Variants in CEP128 observed in about 807,000 individuals in gnomAD.
CEP128 encodes centrosomal protein 128.
A neutral mutation model predicts 156.7 loss-of-function variants in CEP128; 132 were observed. That is an observed-to-expected ratio of 0.84 (90% CI 0.73 to 0.97). CEP128 has a LOEUF of 0.97. CEP128 is among the 50% of genes least tolerant of loss of function. The pLI is 0.00. For synonymous variants in CEP128, 469 were observed against 448.9 expected, an observed-to-expected ratio of 1.04 and a Z score of -0.57; for missense variants, 1,252 against 1,281.9, an observed-to-expected ratio of 0.98 and a Z score of 0.36.
chr14:80,747,693 G>A (rs540048215), intron 18 of CEP128, among the ~76,000 whole-genome samples: 3 of 152,298 alleles, frequency 2.0e-5, no homozygotes, highest in African/African-American at 7.2e-5. Flanking sequence ...TATAATTCCA[G>A]CTACTCAGGA....
intron 19 of CEP128, among the ~76,000 whole-genome samples, chr14:80,734,361 G>A (rs544275915): frequency 1.3e-4 from 20 of 151,938 alleles, no homozygotes; most frequent in East Asian, 3.9e-4. Flanking sequence ...CCACAAAAGC[G>A]AAAGTCTTTA....
intron 19 of CEP128, among the ~76,000 whole-genome samples, chr14:80,682,120 T>TA (rs1896348456): frequency 6.7e-6 from 1 of 150,186 alleles, no homozygotes; most frequent in Non-Finnish European, 1.5e-5. Flanking sequence ...CACAAAAAAA[T>TA]AAAAAAGGAA....
intron 19 of CEP128, among the ~76,000 whole-genome samples, chr14:80,679,159 T>C (rs1258001507): frequency 6.6e-6 from 1 of 152,162 alleles, no homozygotes; most frequent in East Asian, 1.9e-4. Flanking sequence ...ACTGTACAAA[T>C]TGATTGTAGA....
chr14:80,858,390 T>C (rs1336539040), intron 9 of CEP128, among the ~76,000 whole-genome samples: 2 of 125,462 alleles, frequency 1.6e-5, no homozygotes, highest in African/African-American at 6.2e-5. Flanking sequence ...TATACAAAAA[T>C]CAATTCAAGA....
At chr14:80,482,793 G>A (rs761139250) in intron 14 of CEP128, among the ~76,000 whole-genome samples, 1 of 152,092 alleles carries the variant, frequency 6.6e-6, no homozygotes. Flanking sequence ...AAATAGTAAA[G>A]GTAAAGAAAC....
intron 19 of CEP128, among the ~76,000 whole-genome samples, chr14:80,672,889 T>C (rs58788563): frequency 0.019 from 2,914 of 152,292 alleles, 87 homozygotes; most frequent in African/African-American, 0.061. Context: ...ATTTGTGAAA[T>C]TGAATTAAGT....
chr14:80,723,585 G>A (rs553167622), intron 19 of CEP128, among the ~76,000 whole-genome samples: 1 of 152,294 alleles, frequency 6.6e-6, no homozygotes, highest in East Asian at 1.9e-4. Context: ...CATAATGGTA[G>A]AACAGTGTCC....
intron 8 of CEP128, among the ~76,000 whole-genome samples, chr14:80,879,663 C>G (rs900601202): frequency 2.8e-4 from 42 of 151,224 alleles, no homozygotes; most frequent in African/African-American, 9.5e-4. Context: ...GAAAAAAGAA[C>G]GAAAAAGAGT....
intron 9 of CEP128, among the ~76,000 whole-genome samples, chr14:80,855,701 G>A (rs146950906): frequency 6.6e-6 from 1 of 152,204 alleles, no homozygotes; most frequent in Non-Finnish European, 1.5e-5. Context: ...AGGCCTCCAC[G>A]ACTCCAAACA....
chr14:80,664,989 T>A (rs182369550), intron 19 of CEP128, among the ~76,000 whole-genome samples: 12 of 152,348 alleles, frequency 7.9e-5, no homozygotes, highest in Admixed American at 2.0e-4. Flanking sequence ...ATCCTACTGA[T>A]CTTTACAAAT....
intron 13 of CEP128, among the ~76,000 whole-genome samples, chr14:80,796,403 T>A (rs1883479704): frequency 6.6e-6 from 1 of 151,512 alleles, no homozygotes; most frequent in African/African-American, 2.4e-5. Context: ...GAGTTTGCAG[T>A]GAACTGAGCT....
intron 19 of CEP128, among the ~76,000 whole-genome samples, chr14:80,676,737 G>GA (rs1896079451): frequency 2.0e-5 from 3 of 151,942 alleles, no homozygotes; most frequent in Non-Finnish European, 4.4e-5. Flanking sequence ...TTTGTAACAC[G>GA]AATTTGTGTT....
intron 13 of CEP128, among the ~76,000 whole-genome samples, chr14:80,828,123 C>CTTTTT (rs1008856396): frequency 2.4e-5 from 3 of 126,966 alleles, no homozygotes; most frequent in African/African-American, 9.4e-5. Context: ...CTTCTTTTTT[C>CTTTTT]TTTTTTTTTT....
rs1286919870 is a variant in CEP128, at chr14:80,625,861, TTCTC to T, written c.2807-45442_2807-45439del. Among the ~76,000 whole-genome samples the T allele has an allele frequency of 2.7e-5, 4 of 149,128 alleles. No individual in the cohort carries two copies. In the East Asian group the frequency reaches 6.0e-4, roughly 22 times the overall value. On this transcript the variant is annotated intron_variant, in intron 19 of 24. Coordinates refer to ENST00000555265, the MANE Select transcript of CEP128 (RefSeq NM_152446.5). ...TCTTTTTTCTCTTTCTTTCCTTTCT[TTCTC>T]TCTTTCTTCTTTCTTTTTGTTACTC...
chr14:80,891,935 G>A (rs962643575), intron 8 of CEP128, among the ~76,000 whole-genome samples: 21 of 151,530 alleles, frequency 1.4e-4, no homozygotes, highest in Admixed American at 1.4e-3. Flanking sequence ...AAAAATAAAT[G>A]AAAAGATATT....
chr14:80,759,835 A>T lies in CEP128; in HGVS notation c.2553+1602T>A, dbSNP rs1462741606. ...TATTTAAGCAATCTGCTATCTGCAC[A>T]TCATGTATTTGCCTGCAATTGCCCA... is the stretch of plus-strand genomic sequence containing the variant. On this transcript the variant is annotated intron_variant, in intron 17 of 24. Transcript: ENST00000555265. 2.0e-5 allele frequency among the ~76,000 whole-genome samples: 3 copies of T among 152,052 alleles called. No individual in the cohort carries two copies. The East Asian group carries it at 5.8e-4, about 29-fold the overall frequency.
intron 23 of CEP128, among the ~76,000 whole-genome samples, chr14:80,517,383 C>T (rs920632127): frequency 6.6e-6 from 1 of 151,992 alleles, no homozygotes; most frequent in African/African-American, 2.4e-5. Context: ...CCTCTGAGCA[C>T]TTTTTAGATG....
chr14:80,746,571 C>T (rs760841961), intron 18 of CEP128, among the ~76,000 whole-genome samples: 12 of 152,108 alleles, frequency 7.9e-5, no homozygotes, highest in Non-Finnish European at 1.6e-4. Context: ...TACTTCACAC[C>T]ATATACAAAA....
intron 20 of CEP128, among the ~76,000 whole-genome samples, chr14:80,562,458 A>G (rs1387693580): frequency 2.0e-5 from 3 of 152,130 alleles, no homozygotes; most frequent in African/African-American, 7.2e-5. Flanking sequence ...GCTGTAAATA[A>G]AGAGAAATTA....
Sources: gnomAD v4.1 joint callset for allele counts (sites outside exome capture counted in the v4.1 genomes callset) on GRCh38, gnomAD v4.1.1 for gene constraint, MANE v1.5 for transcripts, NCBI Gene and HGNC (gene_info 2026-07-23, HGNC 2026-07-21) for gene names.